The following KLF8 variants were observed in gnomAD, a reference collection of about 807,000 sequenced individuals.
The protein encoded by KLF8 is Krueppel-like factor 8.
KLF8 carries 10 observed loss-of-function variants against 18.2 expected under a neutral mutation model. The observed-to-expected ratio is 0.55, with a 90% CI of 0.34 to 0.93. KLF8 has a LOEUF of 0.93. Among genes scored for constraint, KLF8 ranks in the 40% least tolerant of loss-of-function variants. The pLI, the probability that KLF8 is intolerant of heterozygous loss-of-function variation, is 0.02. For missense variants in KLF8, 264 were observed against 277.9 expected (o/e 0.95, Z 0.36); for synonymous variants, 109 against 97.3 (o/e 1.12, Z -0.71).
chrX:55,924,073 C>G, the KLF8 span, among the ~76,000 whole-genome samples: 2 of 110,714 alleles, frequency 1.8e-5, no homozygotes, highest in East Asian at 5.7e-4. Context: ...CCCACGCACC[C>G]CTAACATTTT....
the KLF8 span, among the ~76,000 whole-genome samples, chrX:55,955,706 C>A: frequency 4.3e-4 from 48 of 111,435 alleles, no homozygotes; most frequent in Admixed American, 6.7e-4. Flanking sequence ...AAGACTTTGT[C>A]TCTGATATTT....
the KLF8 span, among the ~76,000 whole-genome samples, chrX:55,974,968 T>C: frequency 2.7e-5 from 3 of 112,435 alleles, no homozygotes; most frequent in African/African-American, 9.7e-5. Flanking sequence ...CTTTCATTTC[T>C]TCGGTTGGAT....
At chrX:56,091,147 G>A in the KLF8 span, among the ~76,000 whole-genome samples, 2 of 110,987 alleles carry the variant, frequency 1.8e-5, no homozygotes, top group Non-Finnish European at 3.8e-5. Context: ...CCCACATGTC[G>A]AGGGTGGGAC....
the KLF8 span, among the ~76,000 whole-genome samples, chrX:56,007,675 C>T: frequency 8.1e-5 from 9 of 111,333 alleles, no homozygotes; most frequent in African/African-American, 2.6e-4. Context: ...TGTACTTCTC[C>T]GTGGATGAGT....
chrX:56,224,224 T>C, the KLF8 span, among the ~76,000 whole-genome samples: 5 of 111,948 alleles, frequency 4.5e-5, no homozygotes, highest in Non-Finnish European at 7.5e-5. Flanking sequence ...TGGTGGGTCT[T>C]GTTACTAGTA....
At chrX:56,146,095 C>A in the KLF8 span, among the ~76,000 whole-genome samples, 3 of 111,863 alleles carry the variant, frequency 2.7e-5, no homozygotes, top group Non-Finnish European at 5.6e-5. Flanking sequence ...AAAATAGAAA[C>A]GTTTTTACAC....
At chrX:56,241,991 G>A (rs755068398) in intron 1 of KLF8, among the ~76,000 whole-genome samples, 1 of 112,063 alleles carries the variant, frequency 8.9e-6, no homozygotes, top group Non-Finnish European at 1.9e-5. Flanking sequence ...ATAAAGTGAC[G>A]AGACTTGCTC....
chrX:56,176,835 C>A, the KLF8 span, among the ~76,000 whole-genome samples: 9 of 111,671 alleles, frequency 8.1e-5, no homozygotes, highest in South Asian at 3.4e-3. Flanking sequence ...GTTATCTTCT[C>A]ACTTCATTTC....
the KLF8 span, among the ~76,000 whole-genome samples, chrX:56,171,620 G>A: frequency 1.8e-5 from 2 of 111,340 alleles, no homozygotes; most frequent in African/African-American, 6.5e-5. Flanking sequence ...AGAACATGCG[G>A]TGTTTGGATT....
chrX:56,035,994 A>T, the KLF8 span, among the ~76,000 whole-genome samples: 39 of 112,150 alleles, frequency 3.5e-4, no homozygotes, highest in African/African-American at 1.2e-3. Context: ...ACTATTTTTT[A>T]AAATTTGTGC....
chrX:56,172,466 T>A, the KLF8 span, among the ~76,000 whole-genome samples: 1 of 111,994 alleles, frequency 8.9e-6, no homozygotes, highest in Non-Finnish European at 1.9e-5. Flanking sequence ...TAGTATTCCT[T>A]GGTGTATTTG....
chrX:55,919,488 G>C, the KLF8 span, among the ~76,000 whole-genome samples: 213 of 111,825 alleles, frequency 1.9e-3, no homozygotes, highest in African/African-American at 6.3e-3. Context: ...TCTCAGCCCT[G>C]GTCACCGGCT....
the KLF8 span, among the ~76,000 whole-genome samples, chrX:56,107,684 G>A: frequency 9.0e-6 from 1 of 111,414 alleles, no homozygotes; most frequent in African/African-American, 3.3e-5. Flanking sequence ...TCCCAGGTAG[G>A]TCGATGCCCT....
At chrX:56,047,883 C>A in the KLF8 span, among the ~76,000 whole-genome samples, 1 of 111,806 alleles carries the variant, frequency 8.9e-6, no homozygotes, top group South Asian at 3.7e-4. Context: ...GTCCCACCAA[C>A]AGTGTAAAAG....
the KLF8 span, among the ~76,000 whole-genome samples, chrX:55,934,905 A>G: frequency 3.2e-4 from 36 of 111,603 alleles, no homozygotes; most frequent in African/African-American, 1.1e-3. Context: ...GACCACAGTA[A>G]CCTGGTTTTG....
chrX:55,995,151 T>C, the KLF8 span, among the ~76,000 whole-genome samples: 1 of 112,385 alleles, frequency 8.9e-6, no homozygotes, highest in Non-Finnish European at 1.9e-5. Context: ...TACCTTTATG[T>C]AATGCCCTTT....
At chrX:56,133,313 C>T in the KLF8 span, among the ~76,000 whole-genome samples, 141 of 111,863 alleles carry the variant, frequency 1.3e-3, no homozygotes, top group African/African-American at 4.3e-3. Flanking sequence ...AGAGATAATC[C>T]GTCATGATTA....
chrX:56,058,300 A>ATATATATATG, the KLF8 span, among the ~76,000 whole-genome samples: 25 of 74,138 alleles, frequency 3.4e-4, 1 homozygote, highest in African/African-American at 1.2e-3. Flanking sequence ...ATATATATAT[A>ATATATATATG]TATATATATA....
chrX:55,935,755 T>C, the KLF8 span, among the ~76,000 whole-genome samples: 4 of 112,179 alleles, frequency 3.6e-5, no homozygotes, highest in East Asian at 8.3e-4. Flanking sequence ...TATACATATA[T>C]ACTAAAAGTA....
Sources: allele counts gnomAD v4.1 joint callset (sites outside exome capture counted in the v4.1 genomes callset), GRCh38; gene constraint gnomAD v4.1.1; transcripts MANE v1.5; gene names NCBI Gene and HGNC (gene_info 2026-07-23, HGNC 2026-07-21).